Variants in CDK5RAP2 observed in about 807,000 individuals in gnomAD.
The protein encoded by CDK5RAP2 is CDK5 regulatory subunit associated protein 2, also known as CDK5 regulatory subunit-associated protein 2.
Under a neutral mutation model 232.9 loss-of-function variants are expected in CDK5RAP2, and 147 were observed. The ratio of observed to expected loss-of-function variants is 0.63; its 90% CI spans 0.55 to 0.72. The LOEUF is 0.72. CDK5RAP2 is among the 30% of genes least tolerant of loss of function. CDK5RAP2 has a pLI of 0.00. For synonymous variants in CDK5RAP2, 833 were observed against 833.7 expected (o/e 1.00, Z 0.01); for missense variants, 2,195 against 2,231.5 (o/e 0.98, Z 0.33).
chr9:120,509,948 T>TAC (rs145999949), intron 12 of CDK5RAP2, among the ~76,000 whole-genome samples: 3,085 of 150,522 alleles, frequency 0.02, 82 homozygotes, highest in African/African-American at 0.056. Flanking sequence ...TCACACCTAA[T>TAC]ACACACACAC....
At chr9:120,519,377 A>T (rs2040516280) in intron 11 of CDK5RAP2, among the ~76,000 whole-genome samples, 1 of 152,170 alleles carries the variant, frequency 6.6e-6, no homozygotes, top group Non-Finnish European at 1.5e-5. Context: ...GAAGACCTTC[A>T]TTTGAAAATG....
intron 32 of CDK5RAP2, 47 bp downstream of exon 32, chr9:120,406,965 T>C (rs1268877391): frequency 2.9e-6 from 4 of 1,362,780 alleles, no homozygotes; most frequent in Non-Finnish European, 4.2e-6. Context: ...CACACACAGA[T>C]GCTCAGAGCT....
Position 120,527,923 on chromosome 9 carries a change from T to C in CDK5RAP2, c.882A>G (p.Ala294=), listed in dbSNP as rs753826775. 6.2e-7 allele frequency: 1 copy of C among 1,613,818 alleles called. No homozygotes were observed. The highest frequency in any genetic ancestry group is 2.2e-5 in the East Asian group (1 of 44,870). ...ERNSFEERIQ[A]LEEDLREKER... ...CCTTCTCTCTCAGGTCCTCTTCAAG[T>C]GCCTAAATTAGATTAGAAAAAGATT... is the stretch of plus-strand genomic sequence containing the variant. Residue 294 remains alanine (A), a splice_region_variant and synonymous_variant, in exon 10 of 38, where the codon GCA becomes GCG. Coordinates refer to ENST00000349780, the MANE Select transcript of CDK5RAP2 (RefSeq NM_018249.6).
chr9:120,537,363 C>T (rs1400528827), intron 6 of CDK5RAP2, among the ~76,000 whole-genome samples: 1 of 152,094 alleles, frequency 6.6e-6, no homozygotes, highest in African/African-American at 2.4e-5. Flanking sequence ...AATGTTGGCT[C>T]CCTCCTCCCT....
At chr9:120,446,025 A>C (rs1385711603) in intron 22 of CDK5RAP2, among the ~76,000 whole-genome samples, 1 of 152,124 alleles carries the variant, frequency 6.6e-6, no homozygotes, top group East Asian at 1.9e-4. Flanking sequence ...TCATATCCAA[A>C]GTGATCCTTT....
intron 18 of CDK5RAP2, among the ~76,000 whole-genome samples, chr9:120,465,334 G>A (rs2037315635): frequency 6.6e-6 from 1 of 152,092 alleles, no homozygotes; most frequent in African/African-American, 2.4e-5. Flanking sequence ...TATAATGCAT[G>A]AAAAACCAGC....
At chr9:120,422,294 G>GACTAAAAC (rs2034611078) in intron 26 of CDK5RAP2, among the ~76,000 whole-genome samples, 1 of 152,112 alleles carries the variant, frequency 6.6e-6, no homozygotes, top group Non-Finnish European at 1.5e-5. Flanking sequence ...AGCCAAATAG[G>GACTAAAAC]ACTAAAACAT....
intron 4 of CDK5RAP2, among the ~76,000 whole-genome samples, chr9:120,548,290 G>A (rs1279252157): frequency 6.6e-6 from 1 of 152,098 alleles, no homozygotes; most frequent in Non-Finnish European, 1.5e-5. Flanking sequence ...AGGGTGGAGA[G>A]CTTCTATTTA....
intron 25 of CDK5RAP2, among the ~76,000 whole-genome samples, chr9:120,430,582 C>A (rs867300443): frequency 2.0e-5 from 3 of 152,244 alleles, no homozygotes; most frequent in East Asian, 1.9e-4. Flanking sequence ...ACACCAGTTA[C>A]AATGGCAATC....
rs1045786567 is a variant in CDK5RAP2 at position 120,470,159 on chromosome 9, G to A, written c.1920C>T (p.Asn640=). ...TSYLSICLEE[N]NRFQVEHFSQ... is the part of the protein sequence containing the mutation. The stretch of plus-strand genomic sequence containing the variant: ...AAAAATGTTCCACTTGAAACCGATT[G>A]TTTTCTTCAAGGCAAATACTTAGAT... Residue 640 remains asparagine (N), a synonymous_variant, in exon 17 of 38, where the codon AAC becomes AAT. Coordinates refer to ENST00000349780, the MANE Select transcript of CDK5RAP2 (RefSeq NM_018249.6). 2 of 1,594,438 alleles carry A rather than the reference G, an allele frequency of 1.3e-6. No homozygotes were observed. Among genetic ancestry groups the A allele is most frequent in the African/African-American group, 2.7e-5 (2 of 74,328 alleles).
intron 22 of CDK5RAP2, among the ~76,000 whole-genome samples, chr9:120,446,445 C>T (rs1180132209): frequency 6.6e-6 from 1 of 152,092 alleles, no homozygotes; most frequent in Non-Finnish European, 1.5e-5. Context: ...AAGCTGGTCT[C>T]GAACTCCTGA....
At chr9:120,477,312 C>G (rs371753582) in intron 15 of CDK5RAP2, 38 bp downstream of exon 15, 1 of 1,428,336 alleles carries the variant, frequency 7.0e-7, no homozygotes. Context: ...TGTGTGTGTT[C>G]GCATTCACAT....
In CDK5RAP2 at chr9:120,437,488, G is replaced by A; in HGVS notation, c.3762C>T (p.Ser1254=). The change falls in exon 25 of 38, where the codon TCC becomes TCT. Residue 1254 remains serine (S), a synonymous_variant. Transcript: ENST00000349780. ...CATCCTTAATCTGCTGCCGTTGAAG[G>A]GAGAGCTCCCTGGCTTGGGACTGAA... ...SLVQSQAREL[S]LQRQQIKDGH... The A allele has an allele frequency of 1.2e-6, 2 of 1,614,084 alleles. No individual in the cohort carries two copies. The highest frequency in any genetic ancestry group is 1.1e-5 in the South Asian group (1 of 91,086).
At chr9:120,488,733 T>C (rs2038740100) in intron 13 of CDK5RAP2, among the ~76,000 whole-genome samples, 1 of 152,240 alleles carries the variant, frequency 6.6e-6, no homozygotes, top group Admixed American at 6.5e-5. Context: ...GCATTTACAT[T>C]ATAGCCACGC....
In CDK5RAP2 at chr9:120,580,047, C is replaced by A; in HGVS notation, c.-69G>T. ...CCACTAGTACCCCCCGCGATAGCGACCCGCCGGGCTCCCCAGGTCCCCGCC... is the reference window on the plus strand; with the variant it reads ...CCACTAGTACCCCCCGCGATAGCGAACCGCCGGGCTCCCCAGGTCCCCGCC... On this transcript the variant is annotated 5_prime_UTR_variant, in exon 1 of 38. Transcript: ENST00000349780. 9.9e-7 allele frequency: 1 copy of A among 1,013,992 alleles called. No homozygotes were observed. Among genetic ancestry groups the A allele is most frequent in the South Asian group, 1.3e-5 (1 of 74,714 alleles). The allele number at this position is 1,013,992 out of a possible 1,614,324, so 62.8% of individuals were successfully genotyped here. A position where few individuals can be genotyped will look rare whatever the true frequency, so the allele number is the denominator to read the frequency against.
At chr9:120,419,981 G>A (rs1325151747) in intron 26 of CDK5RAP2, 21 bp from the exon 27 acceptor site, 1 of 1,599,120 alleles carries the variant, frequency 6.3e-7, no homozygotes, top group African/African-American at 1.3e-5. Context: ...GAGATTGAAA[G>A]ATAAATCATC....
In CDK5RAP2 at chr9:120,572,143, G is replaced by A. The variant is rs545092963; in HGVS notation, c.60-102C>T. The A allele has an allele frequency of 1.6e-5, 15 of 920,426 alleles. No individual in the cohort carries two copies. In the East Asian group the frequency reaches 3.1e-4, roughly 19 times the overall value. 57.0% of individuals were successfully genotyped at this position (920,426 alleles called of 1,614,324 possible). A position where few individuals can be genotyped will look rare whatever the true frequency, so the allele number is the denominator to read the frequency against. ...ATGACAATCATCCCATGGCCAGGAG[G>A]GATGCACACAGCTGGGCTACCTATG... is the stretch of plus-strand genomic sequence containing the variant. On this transcript the variant is annotated intron_variant, in intron 1 of 37. Coordinates refer to ENST00000349780, the MANE Select transcript of CDK5RAP2 (RefSeq NM_018249.6).
At position 120,518,541 on chromosome 9, in the gene CDK5RAP2, T is replaced by A. The variant is rs745893871; in HGVS notation, c.1197A>T (p.Arg399Ser). The change falls in exon 12 of 38, where the codon AGA (arginine) becomes AGT (serine). Residue 399 changes from arginine (R) to serine (S), a missense_variant. Coordinates refer to ENST00000349780, the MANE Select transcript of CDK5RAP2 (RefSeq NM_018249.6). ...TKSTENHRLR[R>S]SIKKITQELS... Reference sequence around the variant, plus strand: ...GCTCCTGGGTGATCTTCTTAATGCTTCTACGCAGTCTGTGGTTCTCTGTAC... The same window carrying A: ...GCTCCTGGGTGATCTTCTTAATGCTACTACGCAGTCTGTGGTTCTCTGTAC... The A allele has an allele frequency of 6.8e-6, 11 of 1,613,704 alleles. No homozygotes were observed. The highest frequency in any genetic ancestry group is 9.3e-6 in the Non-Finnish European group (11 of 1,179,976).
chr9:120,573,211 T>C (rs150285405), intron 1 of CDK5RAP2, among the ~76,000 whole-genome samples: 9 of 152,270 alleles, frequency 5.9e-5, no homozygotes, highest in African/African-American at 1.7e-4. Flanking sequence ...AGGCAAAAAA[T>C]TGGAAATATC....
Sources: allele counts gnomAD v4.1 joint callset (sites outside exome capture counted in the v4.1 genomes callset), GRCh38; gene constraint gnomAD v4.1.1; transcripts MANE v1.5; gene names NCBI Gene and HGNC (gene_info 2026-07-23, HGNC 2026-07-21).